NMNAT3: variants seen among roughly 807,000 people sequenced by gnomAD.
NMNAT3 encodes nicotinamide nucleotide adenylyltransferase 3.
A neutral mutation model predicts 24.8 loss-of-function variants in NMNAT3; 21 were observed. That is an observed-to-expected ratio of 0.85 (90% CI 0.60 to 1.22). NMNAT3 has a LOEUF of 1.22. NMNAT3 is among the 50% of genes most tolerant of loss of function. The probability of loss-of-function intolerance (pLI) is 0.00; values close to 1 mark genes in which losing one functional copy is unlikely to be tolerated. For missense variants in NMNAT3, 387 were observed against 436.6 expected, an observed-to-expected ratio of 0.89 and a Z score of 1.01; for synonymous variants, 136 against 155.2, an observed-to-expected ratio of 0.88 and a Z score of 0.92.
At chr3:139,566,080 T>A (rs534376606) in intron 6 of NMNAT3, 4 of 152,164 alleles carry the variant, frequency 2.6e-5, no homozygotes, top group African/African-American at 7.2e-5. Flanking sequence ...GGTATCTCAT[T>A]GTGGTTTTGA....
intron 6 of NMNAT3, among the ~76,000 whole-genome samples, chr3:139,561,794 C>A (rs72990632): frequency 3.8e-3 from 571 of 152,234 alleles, no homozygotes; most frequent in African/African-American, 0.013. Context: ...GGGCCTTGGA[C>A]AAGTCACTGC....
chr3:139,595,825 G>A (rs2054427607), intron 3 of NMNAT3, among the ~76,000 whole-genome samples: 2 of 152,144 alleles, frequency 1.3e-5, no homozygotes, highest in African/African-American at 2.4e-5. Flanking sequence ...ATGGATTAAA[G>A]AGTTAAACGT....
chr3:139,656,415 C>T (rs887391447), intron 1 of NMNAT3, among the ~76,000 whole-genome samples: 1 of 152,170 alleles, frequency 6.6e-6, no homozygotes, highest in African/African-American at 2.4e-5. Context: ...TAACATCTTC[C>T]ATGTGTGACT....
At chr3:139,623,960 C>G (rs1402875115) in intron 3 of NMNAT3, among the ~76,000 whole-genome samples, 1 of 152,166 alleles carries the variant, frequency 6.6e-6, no homozygotes, top group Non-Finnish European at 1.5e-5. Context: ...CAAGTAATGC[C>G]TTGAGCCACG....
intron 4 of NMNAT3, among the ~76,000 whole-genome samples, chr3:139,579,588 A>C (rs1004125583): frequency 2.6e-5 from 4 of 152,170 alleles, no homozygotes; most frequent in Admixed American, 2.0e-4. Flanking sequence ...CCTGGGAGGA[A>C]TGTGCTGCTG....
chr3:139,608,069 C>G (rs1325210667), intron 3 of NMNAT3, among the ~76,000 whole-genome samples: 1 of 152,174 alleles, frequency 6.6e-6, no homozygotes, highest in Non-Finnish European at 1.5e-5. Flanking sequence ...CATGGTTTCT[C>G]TTTATGGTCT....
At chr3:139,615,757 A>G (rs886870877) in intron 3 of NMNAT3, among the ~76,000 whole-genome samples, 5 of 152,196 alleles carry the variant, frequency 3.3e-5, no homozygotes, top group Admixed American at 1.3e-4. Context: ...TCTACTTATT[A>G]GAGTAGAATA....
intron 1 of NMNAT3, among the ~76,000 whole-genome samples, chr3:139,648,837 G>C (rs1701178122): frequency 6.6e-6 from 1 of 152,124 alleles, no homozygotes. Flanking sequence ...GGAGATTATT[G>C]AGTAAATACT....
At position 139,666,998 on chromosome 3, in the gene NMNAT3, T is replaced by C. The variant is rs140759231; in HGVS notation, c.-141+10707A>G. On this transcript the variant is annotated intron_variant, in intron 1 of 6. Coordinates refer to ENST00000643695, the MANE Select transcript of NMNAT3 (RefSeq NM_001320510.2). ...TTATTGATTGATAGAATGGTTGGCA[T>C]GCTGATGGACATTTAGGTTGATTCC... 2.4e-3 allele frequency among the ~76,000 whole-genome samples: 373 copies of C among 152,358 alleles called. 1 individual carries two copies. Among genetic ancestry groups the C allele is most frequent in the African/African-American group, 5.8e-3 (240 of 41,584 alleles).
chr3:139,608,331 C>G (rs2055038530), intron 3 of NMNAT3, among the ~76,000 whole-genome samples: 1 of 20,400 alleles, frequency 4.9e-5, no homozygotes, highest in Non-Finnish European at 4.1e-3. Flanking sequence ...GGGGCTTTAC[C>G]TAACAAACAC....
rs534561368 is a variant in NMNAT3, at chr3:139,604,169, T to G, written c.110-20961A>C. ...GAAGATTCATTTCTGCCTTCATAAA[T>G]GTAGACACTGGGCTTCAGCTAGTTG... is the stretch of plus-strand genomic sequence containing the variant. On this transcript the variant is annotated intron_variant, in intron 3 of 6. Coordinates refer to ENST00000643695, the MANE Select transcript of NMNAT3 (RefSeq NM_001320510.2). 9.8e-5 allele frequency among the ~76,000 whole-genome samples: 15 copies of G among 152,302 alleles called. 1 individual carries two copies. The South Asian group carries it at 3.1e-3, about 32-fold the overall frequency.
intron 2 of NMNAT3, 126 bp from the exon 4 acceptor site, chr3:139,627,890 A>G: frequency 2.1e-6 from 1 of 477,626 alleles, no homozygotes; most frequent in Non-Finnish European, 3.7e-6. Context: ...CCATTAAAAC[A>G]ACGTTTAAGG....
chr3:139,653,437 T>C (rs1454423626), intron 1 of NMNAT3, among the ~76,000 whole-genome samples: 2 of 152,238 alleles, frequency 1.3e-5, no homozygotes, highest in African/African-American at 4.8e-5. Context: ...AAACAGATCA[T>C]TTATCAGCAA....
chr3:139,570,386 G>A (rs1938005439), intron 6 of NMNAT3: 1 of 152,242 alleles, frequency 6.6e-6, no homozygotes. Context: ...TTGCTGGTGA[G>A]GAGCTGCGTT....
chr3:139,644,416 A>G (rs1473398279), intron 1 of NMNAT3, among the ~76,000 whole-genome samples: 1 of 152,228 alleles, frequency 6.6e-6, no homozygotes, highest in African/African-American at 2.4e-5. Flanking sequence ...CAGGAATAGA[A>G]TAAATACACT....
intron 1 of NMNAT3, among the ~76,000 whole-genome samples, chr3:139,658,133 G>A (rs2057305262): frequency 6.6e-6 from 1 of 152,054 alleles, no homozygotes; most frequent in Non-Finnish European, 1.5e-5. Flanking sequence ...CCCTCTCTGT[G>A]GTAAGGCTCA....
intron 1 of NMNAT3, among the ~76,000 whole-genome samples, chr3:139,646,496 C>T: frequency 6.6e-6 from 1 of 152,162 alleles, no homozygotes; most frequent in East Asian, 1.9e-4. Context: ...AACATCTCCC[C>T]ACAATCATTC....
At chr3:139,615,189 C>G (rs555712880) in intron 3 of NMNAT3, among the ~76,000 whole-genome samples, 2 of 152,240 alleles carry the variant, frequency 1.3e-5, no homozygotes, top group South Asian at 4.2e-4. Context: ...CACTTCCTTA[C>G]TTTTTGGTAC....
intron 2 of NMNAT3, among the ~76,000 whole-genome samples, chr3:139,630,865 T>C (rs1205293918): frequency 6.6e-6 from 1 of 152,146 alleles, no homozygotes. Flanking sequence ...TCGTGATGAC[T>C]GTATCTGAAA....
Sources: allele counts gnomAD v4.1 joint callset (sites outside exome capture counted in the v4.1 genomes callset), GRCh38; gene constraint gnomAD v4.1.1; transcripts MANE v1.5; gene names NCBI Gene and HGNC (gene_info 2026-07-23, HGNC 2026-07-21).